The following ADGRL2 variants were observed in gnomAD, a reference collection of about 807,000 sequenced individuals.
ADGRL2 encodes the protein adhesion G protein-coupled receptor L2.
In ADGRL2, 44 loss-of-function variants were observed where a neutral mutation model predicts 157.4. The observed-to-expected ratio is 0.28, with a 90% CI of 0.22 to 0.36. ADGRL2 has a LOEUF of 0.36. Ranked by LOEUF, ADGRL2 falls within the 10% of genes least tolerant of loss-of-function variation. ADGRL2 has a pLI of 1.00. For synonymous variants in ADGRL2, 585 were observed against 624.7 expected (o/e 0.94, Z 0.95); for missense variants, 1,510 against 1,768.9 (o/e 0.85, Z 2.63).
chr1:81,683,386 C>T (rs144795265), intron 3 of ADGRL2, among the ~76,000 whole-genome samples: 466 of 152,172 alleles, frequency 3.1e-3, no homozygotes, highest in African/African-American at 0.011. Context: ...GATTTTGGTG[C>T]ATCCATCAAC....
At chr1:81,797,569 C>T (rs771069216), upstream of ADGRL2, among the ~76,000 whole-genome samples, 10 of 152,110 alleles carry the variant, frequency 6.6e-5, no homozygotes, top group Non-Finnish European at 1.2e-4. Context: ...TTACACTAAT[C>T]ACAATATTCT....
chr1:81,426,924 T>C (rs2077227797), intron 1 of ADGRL2: 1 of 700,976 alleles, frequency 1.4e-6, no homozygotes, highest in Non-Finnish European at 2.6e-6. Flanking sequence ...ATGGAAGTTA[T>C]GGAAGACAGA....
At chr1:81,404,997 T>C (rs1023650691) in intron 1 of ADGRL2, among the ~76,000 whole-genome samples, 8 of 152,240 alleles carry the variant, frequency 5.3e-5, no homozygotes, top group African/African-American at 1.9e-4. Flanking sequence ...GAATAATTTT[T>C]CAGTTATTCC....
chr1:81,797,935 A>G (rs2087674306), upstream of ADGRL2, among the ~76,000 whole-genome samples: 1 of 152,208 alleles, frequency 6.6e-6, no homozygotes, highest in South Asian at 2.1e-4. Context: ...TTGATTTAAC[A>G]TAAAACAAAT....
intron 1 of ADGRL2, among the ~76,000 whole-genome samples, chr1:81,371,403 T>C (rs1052150221): frequency 6.6e-6 from 1 of 152,104 alleles, no homozygotes; most frequent in East Asian, 1.9e-4. Context: ...AAAGTATCAA[T>C]AAAAAAGATG....
chr1:81,353,886 A>G (rs1481874649), intron 1 of ADGRL2, among the ~76,000 whole-genome samples: 3 of 152,210 alleles, frequency 2.0e-5, no homozygotes, highest in Non-Finnish European at 4.4e-5. Context: ...AAAGGGCGAC[A>G]GCGTCCCAGG....
intron 2 of ADGRL2, among the ~76,000 whole-genome samples, chr1:81,846,429 C>A (rs1363662305): frequency 2.9e-5 from 4 of 138,964 alleles, no homozygotes; most frequent in African/African-American, 1.1e-4. Flanking sequence ...AATGTCCCAC[C>A]ATGAAGATGA....
At chr1:81,483,538 A>G (rs2078435763) in intron 2 of ADGRL2, among the ~76,000 whole-genome samples, 1 of 152,204 alleles carries the variant, frequency 6.6e-6, no homozygotes, top group African/African-American at 2.4e-5. Flanking sequence ...TAATAACACT[A>G]CATAAAACCC....
At chr1:81,320,810 T>G (rs1001426768) in intron 1 of ADGRL2, among the ~76,000 whole-genome samples, 1 of 152,176 alleles carries the variant, frequency 6.6e-6, no homozygotes, top group Non-Finnish European at 1.5e-5. Flanking sequence ...TTAGCATAAT[T>G]CTTAAGGGCC....
intron 1 of ADGRL2, among the ~76,000 whole-genome samples, chr1:81,335,817 T>C (rs552036813): frequency 6.7e-6 from 1 of 148,398 alleles, no homozygotes; most frequent in Non-Finnish European, 1.5e-5. Context: ...TACCACGCAG[T>C]AGGGCTATAT....
chr1:81,539,477 C>T (rs1465555466), intron 2 of ADGRL2, among the ~76,000 whole-genome samples: 3 of 152,192 alleles, frequency 2.0e-5, no homozygotes, highest in Admixed American at 6.5e-5. Flanking sequence ...TTTTCAGCCA[C>T]TAATATCTAT....
chr1:81,322,755 G>A (rs1413434521), intron 1 of ADGRL2, among the ~76,000 whole-genome samples: 3 of 152,078 alleles, frequency 2.0e-5, no homozygotes, highest in South Asian at 2.1e-4. Flanking sequence ...CATGTCATAC[G>A]GGGAACAGTA....
rs932678531 is a variant in ADGRL2, at chr1:81,571,444, T to C, written c.-247-9432T>C. On this transcript the variant is annotated intron_variant, in intron 2 of 24. Transcript: ENST00000370721. ...ATATATGTGTGTGTGTGTATATATA[T>C]ACACACACATATATATATATGGTAG... is the stretch of plus-strand genomic sequence containing the variant. 3.4e-5 allele frequency among the ~76,000 whole-genome samples: 5 copies of C among 148,628 alleles called. No homozygotes were observed. In the East Asian group the frequency reaches 9.8e-4, roughly 29 times the overall value.
chr1:81,631,554 C>T (rs187823220), intron 3 of ADGRL2, among the ~76,000 whole-genome samples: 12 of 152,278 alleles, frequency 7.9e-5, no homozygotes, highest in African/African-American at 2.9e-4. Flanking sequence ...GATTCTCAAA[C>T]TTGACTGCAT....
chr1:81,965,054 T>A (rs1656640943), intron 11 of ADGRL2, among the ~76,000 whole-genome samples: 1 of 152,156 alleles, frequency 6.6e-6, no homozygotes, highest in Admixed American at 6.5e-5. Context: ...TAAGTATATT[T>A]TTGAAATGAA....
At chr1:81,537,834 G>T (rs551639040) in intron 2 of ADGRL2, among the ~76,000 whole-genome samples, 1 of 151,652 alleles carries the variant, frequency 6.6e-6, no homozygotes, top group African/African-American at 2.4e-5. Flanking sequence ...CAAGTACCTG[G>T]GATTACAGGT....
chr1:81,981,353 C>T (rs373291756), intron 18 of ADGRL2, among the ~76,000 whole-genome samples: 1 of 151,808 alleles, frequency 6.6e-6, no homozygotes, highest in South Asian at 2.1e-4. Context: ...TCACCTAAGA[C>T]TAGTTTATTA....
chr1:81,430,679 T>C (rs527696547), intron 1 of ADGRL2, among the ~76,000 whole-genome samples: 1 of 152,258 alleles, frequency 6.6e-6, no homozygotes, highest in East Asian at 1.9e-4. Flanking sequence ...AAGTTAGTTG[T>C]TGTTGTTGTT....
intron 2 of ADGRL2, among the ~76,000 whole-genome samples, chr1:81,449,128 T>G (rs1246902372): frequency 6.6e-6 from 1 of 152,130 alleles, no homozygotes; most frequent in Non-Finnish European, 1.5e-5. Context: ...TTTTGGGGGC[T>G]AAATAACCAG....
Sources: allele counts gnomAD v4.1 joint callset (sites outside exome capture counted in the v4.1 genomes callset), GRCh38; gene constraint gnomAD v4.1.1; transcripts MANE v1.5; gene names NCBI Gene and HGNC (gene_info 2026-07-23, HGNC 2026-07-21).